Variants in TSGA13 observed in about 807,000 individuals in gnomAD.
The protein encoded by TSGA13 is testis-specific gene 13 protein.
TSGA13 carries 37 observed loss-of-function variants against 35.1 expected under a neutral mutation model. The ratio of observed to expected loss-of-function variants is 1.05; its 90% confidence interval spans 0.81 to 1.39. The LOEUF (loss-of-function observed/expected upper bound fraction) is 1.39. Ranked by LOEUF, TSGA13 falls within the 40% of genes most tolerant of loss-of-function variation. The probability of loss-of-function intolerance (pLI) is 0.00; values close to 1 mark genes in which losing one functional copy is unlikely to be tolerated. For missense variants in TSGA13, 338 were observed against 328.5 expected, an observed-to-expected ratio of 1.03 and a Z score of -0.22; for synonymous variants, 124 against 121.2, an observed-to-expected ratio of 1.02 and a Z score of -0.15.
chr7:130,676,419 GGCTGTTGGAAGAAA>G (rs1423127906), intron 5 of TSGA13, among the ~76,000 whole-genome samples: 7 of 152,204 alleles, frequency 4.6e-5, no homozygotes, highest in Non-Finnish European at 1.0e-4. Flanking sequence ...AAAGTGTGCA[GGCTGTTGGAAGAAA>G]GCTCTTCCCA....
chr7:130,668,861 T>G lies in TSGA13; in HGVS notation c.*153A>C. On this transcript the variant is annotated 3_prime_UTR_variant, in exon 8 of 8. Transcript: ENST00000356588. ...GACGCAGCCACGCCCCCTTCTCCTC[T>G]TGCGGCCCGCCGGAGACTTCGGCTC... 3.7e-6 allele frequency: 5 copies of G among 1,363,066 alleles called. No individual in the cohort carries two copies. The highest frequency in any genetic ancestry group is 5.0e-6 in the Non-Finnish European group (5 of 1,009,328). The allele number at this position is 1,363,066 out of a possible 1,614,324, so 84.4% of individuals were successfully genotyped here. A position where few individuals can be genotyped will look rare whatever the true frequency, so the allele number is the denominator to read the frequency against.
rs1020394571 is a variant in TSGA13, at chr7:130,685,483, G to A, written c.-150-123C>T. ...ACAAACGGGGGAGGTGGGAGAAAGCGATTATCCAATGTAAAACAATAGTGA... is the reference window on the plus strand; with the variant it reads ...ACAAACGGGGGAGGTGGGAGAAAGCAATTATCCAATGTAAAACAATAGTGA... On this transcript the variant is annotated intron_variant, in intron 1 of 7. Transcript: ENST00000356588. 29 of 909,296 alleles carry A rather than the reference G, an allele frequency of 3.2e-5. No individual in the cohort carries two copies. The South Asian group carries it at 8.0e-4, about 25-fold the overall frequency. The allele number at this position is 909,296 out of a possible 1,614,324, so 56.3% of individuals were successfully genotyped here.
rs970506827 is a variant in TSGA13, at chr7:130,685,877, A to G, written c.-151+385T>C. 4.6e-5 allele frequency among the ~76,000 whole-genome samples: 7 copies of G among 152,360 alleles called. No individual in the cohort carries two copies. The South Asian group carries it at 1.2e-3, about 27-fold the overall frequency. ...GCTGATAAGGTAGAACCAACCATTT[A>G]GAGAAAAGAAAGGTCAGTGAGCCTT... On this transcript the variant is annotated intron_variant, in intron 1 of 7. Coordinates refer to ENST00000356588, the MANE Select transcript of TSGA13 (RefSeq NM_052933.4).
In TSGA13 at chr7:130,671,855, A is replaced by G. The variant is rs1398329293; in HGVS notation, c.531-67T>C. ...GGGGATTCATGGAACTATTCACTTT[A>G]TTTTATTTTATTTTATTTTATTTTA... On this transcript the variant is annotated intron_variant, in intron 6 of 7. Coordinates refer to ENST00000356588, the MANE Select transcript of TSGA13 (RefSeq NM_052933.4). The G allele has an allele frequency of 4.7e-5, 6 of 128,672 alleles. No homozygotes were observed. In the Admixed American group the frequency reaches 1.4e-3, roughly 31 times the overall value. The allele number at this position is 128,672 out of a possible 1,614,324, so 8.0% of individuals were successfully genotyped here.
At chr7:130,672,465 C>CT (rs35118750) in intron 6 of TSGA13, among the ~76,000 whole-genome samples, 27,275 of 148,328 alleles carry the variant, frequency 0.18, 2,893 homozygotes, top group Non-Finnish European at 0.24. Flanking sequence ...ATTGAGGGTA[C>CT]TTTTTTTTTT....
chr7:130,674,446 C>A (rs1554463848), intron 5 of TSGA13, among the ~76,000 whole-genome samples: 1 of 152,208 alleles, frequency 6.6e-6, no homozygotes. Flanking sequence ...TCTGGGATTA[C>A]AGGCATGAGC....
chr7:130,677,174 G>A (rs1241629323), intron 5 of TSGA13, among the ~76,000 whole-genome samples: 1 of 152,182 alleles, frequency 6.6e-6, no homozygotes, highest in African/African-American at 2.4e-5. Context: ...TTACAGGCGT[G>A]AGCCACTGCT....
chr7:130,679,562 C>T (rs1796494259), intron 4 of TSGA13, among the ~76,000 whole-genome samples, 195 bp from the exon 5 acceptor site: 1 of 151,936 alleles, frequency 6.6e-6, no homozygotes, highest in Admixed American at 6.6e-5. Context: ...CAGGCTGGAG[C>T]CCAGTGGCAT....
intron 5 of TSGA13, among the ~76,000 whole-genome samples, chr7:130,674,072 G>T (rs1430463920): frequency 6.6e-6 from 1 of 151,810 alleles, no homozygotes; most frequent in Non-Finnish European, 1.5e-5. Flanking sequence ...TCCAGCTTGG[G>T]CAACAGAGTG....
rs930296571 is a variant in TSGA13 at position 130,668,906 on chromosome 7, C to T, written c.*108G>A. ...CGGCTCGACCCTCCCGGCTTGCGAC[C>T]CGGGAGCCCACGCCCGCAGCAGCAG... On this transcript the variant is annotated 3_prime_UTR_variant, in exon 8 of 8. Coordinates refer to ENST00000356588, the MANE Select transcript of TSGA13 (RefSeq NM_052933.4). 2 of 1,480,482 alleles carry T rather than the reference C, an allele frequency of 1.4e-6. No homozygotes were observed. Among genetic ancestry groups the T allele is most frequent in the South Asian group, 2.7e-5 (2 of 74,116 alleles). The allele number at this position is 1,480,482 out of a possible 1,614,324, so 91.7% of individuals were successfully genotyped here.
intron 2 of TSGA13, among the ~76,000 whole-genome samples, chr7:130,684,591 T>C (rs1273578999): frequency 6.6e-6 from 1 of 152,204 alleles, no homozygotes; most frequent in African/African-American, 2.4e-5. Context: ...ATAGCCACGC[T>C]ATGTCGTTTG....
chr7:130,676,687 T>A (rs576613745), intron 5 of TSGA13, among the ~76,000 whole-genome samples: 1 of 152,306 alleles, frequency 6.6e-6, no homozygotes, highest in African/African-American at 2.4e-5. Context: ...GGAGAATCTC[T>A]CACTGTCATC....
rs200432628 is a variant in TSGA13 at position 130,680,972 on chromosome 7, G to A, written c.148C>T (p.Arg50Trp). 12 of 1,614,102 alleles carry A rather than the reference G, an allele frequency of 7.4e-6. No individual in the cohort carries two copies. Among genetic ancestry groups the A allele is most frequent in the South Asian group, 3.3e-5 (3 of 91,078 alleles). The change falls in exon 4 of 8, where the codon CGG becomes TGG. Residue 50 changes from arginine (R) to tryptophan (W), a missense_variant. Physicochemically the swap from Arg to Trp is moderately radical, Grantham distance 101. Transcript: ENST00000356588. ...AAATTTGGATGGACTGTGTAATGCC[G>A]AAGGTTCTCTAGAACAAATTTTGAT... is the stretch of plus-strand genomic sequence containing the variant. ...GQSKFVLENL[R>W]HYTVHPNLAQ...
chr7:130,678,223 C>CA (rs1241798382), intron 5 of TSGA13, among the ~76,000 whole-genome samples: 1 of 151,950 alleles, frequency 6.6e-6, no homozygotes, highest in Non-Finnish European at 1.5e-5. Flanking sequence ...CTAAAAAATA[C>CA]AAAAAATTAG....
chr7:130,675,423 G>T (rs1554464016), intron 5 of TSGA13, among the ~76,000 whole-genome samples: 2 of 151,760 alleles, frequency 1.3e-5, no homozygotes, highest in African/African-American at 4.8e-5. Context: ...TCACTCTGTT[G>T]CCTGGGCTGG....
intron 5 of TSGA13, among the ~76,000 whole-genome samples, chr7:130,674,164 T>G (rs1238910772): frequency 7.9e-6 from 1 of 127,058 alleles, no homozygotes; most frequent in Admixed American, 8.7e-5. Flanking sequence ...TTTTTTTCTT[T>G]TTTTCTTTTT....
At chr7:130,669,939 G>A (rs1002480118) in intron 7 of TSGA13, among the ~76,000 whole-genome samples, 18 of 152,114 alleles carry the variant, frequency 1.2e-4, no homozygotes, top group Non-Finnish European at 2.4e-4. Flanking sequence ...CCTCTTCCTT[G>A]GCCCAAGGGT....
In TSGA13 at chr7:130,671,648, G is replaced by A; in HGVS notation, c.658+13C>T. On this transcript the variant is annotated intron_variant, in intron 7 of 7. Transcript: ENST00000356588. Reference sequence around the variant, plus strand: ...AGTCCAGTAAGCCTTTGCTTTGAAAGAGAGGAGCTTACCATCTTTCCTCAT... The same window carrying A: ...AGTCCAGTAAGCCTTTGCTTTGAAAAAGAGGAGCTTACCATCTTTCCTCAT... 1 of 1,560,396 alleles carries A rather than the reference G, an allele frequency of 6.4e-7. No homozygotes were observed. The highest frequency in any genetic ancestry group is 8.7e-7 in the Non-Finnish European group (1 of 1,147,572).
Position 130,668,859 on chromosome 7 carries a change from T to A in TSGA13, c.*155A>T. 4.4e-6 allele frequency: 6 copies of A among 1,354,732 alleles called. No homozygotes were observed. The highest frequency in any genetic ancestry group is 5.0e-6 in the Non-Finnish European group (5 of 1,002,548). The allele number at this position is 1,354,732 out of a possible 1,614,324, so 83.9% of individuals were successfully genotyped here. ...GGGACGCAGCCACGCCCCCTTCTCCTCTTGCGGCCCGCCGGAGACTTCGGC... is the reference window on the plus strand; with the variant it reads ...GGGACGCAGCCACGCCCCCTTCTCCACTTGCGGCCCGCCGGAGACTTCGGC... On this transcript the variant is annotated 3_prime_UTR_variant, in exon 8 of 8. Transcript: ENST00000356588.
Sources: allele counts gnomAD v4.1 joint callset (sites outside exome capture counted in the v4.1 genomes callset), GRCh38; gene constraint gnomAD v4.1.1; transcripts MANE v1.5; gene names NCBI Gene and HGNC (gene_info 2026-07-23, HGNC 2026-07-21).